Variants in TTC6 observed in about 807,000 individuals in gnomAD.
The protein encoded by TTC6 is tetratricopeptide repeat protein 6.
Under a neutral mutation model 210.4 loss-of-function variants are expected in TTC6, and 172 were observed. The observed-to-expected ratio is 0.82, with a 90% CI of 0.72 to 0.93. TTC6 has a LOEUF of 0.93. Among genes scored for constraint, TTC6 ranks in the 40% least tolerant of loss-of-function variants. TTC6 has a pLI of 0.00. For missense variants in TTC6, 2,414 were observed against 2,318.1 expected, an observed-to-expected ratio of 1.04 and a Z score of -0.85; for synonymous variants, 804 against 819.6, an observed-to-expected ratio of 0.98 and a Z score of 0.32.
chr14:37,798,010 A>G (rs549939013), intron 20 of TTC6, among the ~76,000 whole-genome samples: 9 of 152,064 alleles, frequency 5.9e-5, no homozygotes, highest in African/African-American at 1.7e-4. Flanking sequence ...CCTTTGGTCA[A>G]TTTTTCTATT....
At chr14:37,637,658 A>G (rs77690717) in intron 1 of TTC6, among the ~76,000 whole-genome samples, 41 of 152,298 alleles carry the variant, frequency 2.7e-4, no homozygotes, top group African/African-American at 9.6e-4. Flanking sequence ...AGAAAAAAAT[A>G]GGCAAAAGAC....
rs140268948 is a variant in TTC6 at position 37,610,687 on chromosome 14, A to G, written c.-155+3945A>G. 2.4e-3 allele frequency among the ~76,000 whole-genome samples: 361 copies of G among 152,116 alleles called. 2 individuals carry two copies. Among genetic ancestry groups the G allele is most frequent in the African/African-American group, 8.1e-3 (336 of 41,496 alleles). ...CCGACTGCCGTAGTACTGCCTGCCC[A>G]CTCACCATCACCGTCCCACTCCCAA... On this transcript the variant is annotated intron_variant, in intron 2 of 2. Coordinates refer to the TTC6 transcript ENST00000556845.
At chr14:37,813,273 G>C (rs1291744755) in intron 25 of TTC6, among the ~76,000 whole-genome samples, 4 of 152,044 alleles carry the variant, frequency 2.6e-5, no homozygotes, top group Non-Finnish European at 5.9e-5. Context: ...TAATCCCAAT[G>C]TTTGAATACC....
intron 26 of TTC6, among the ~76,000 whole-genome samples, chr14:37,820,100 C>T (rs1250315207): frequency 1.3e-5 from 2 of 152,192 alleles, no homozygotes; most frequent in African/African-American, 4.8e-5. Flanking sequence ...CATGCAGTTA[C>T]TTAACAAGGA....
chr14:37,724,150 T>C (rs1320124792), intron 6 of TTC6, among the ~76,000 whole-genome samples: 1 of 152,042 alleles, frequency 6.6e-6, no homozygotes, highest in African/African-American at 2.4e-5. Flanking sequence ...TGTTTCATGT[T>C]TTTTAAAATA....
intron 1 of TTC6, among the ~76,000 whole-genome samples, chr14:37,635,460 A>C (rs547600401): frequency 3.9e-5 from 6 of 152,372 alleles, no homozygotes; most frequent in Non-Finnish European, 8.8e-5. Context: ...CTAAGATATC[A>C]GTAACTGTAA....
At chr14:37,761,526 G>C (rs2095984474) in intron 14 of TTC6, among the ~76,000 whole-genome samples, 1 of 152,016 alleles carries the variant, frequency 6.6e-6, no homozygotes, top group Admixed American at 6.6e-5. Flanking sequence ...GAAATGTACA[G>C]CATAATGACT....
At chr14:37,739,206 A>G in intron 10 of TTC6, 51 bp downstream of exon 12, 1 of 1,418,488 alleles carries the variant, frequency 7.0e-7, no homozygotes, top group Non-Finnish European at 9.2e-7. Flanking sequence ...TGTGGTTTTG[A>G]CCTTAATTTT....
chr14:37,827,258 A>G, exon 29 of TTC6: 3 of 1,613,268 alleles, frequency 1.9e-6, no homozygotes, highest in Non-Finnish European at 2.5e-6. Context: ...TGGGCCACAA[A>G]CAGAATGCAA....
exon 11 of TTC6, chr14:37,749,001 A>T: frequency 6.5e-7 from 1 of 1,534,580 alleles, no homozygotes; most frequent in Middle Eastern, 1.7e-4. Flanking sequence ...CCATTATATG[A>T]ACGTCAAATA....
chr14:37,758,641 T>C lies in TTC6; in HGVS notation c.3266+5406T>C, dbSNP rs576955059. ...CGATGGGTCTTGACTCTTTATCCAA[T>C]TTGCATGTCTGTATCTTTTAATTTG... On this transcript the variant is annotated intron_variant, in intron 14 of 30. Transcript: ENST00000553443. Among the ~76,000 whole-genome samples the C allele has an allele frequency of 1.1e-4, 16 of 152,302 alleles. No individual in the cohort carries two copies. In the East Asian group the frequency reaches 2.9e-3, roughly 28 times the overall value.
In TTC6 at chr14:37,774,173, G is replaced by A. The variant is rs1595240773; in HGVS notation, c.3267-13295G>A. ...ATGAAATTTTGGGCAGAAACTATGG[G>A]GGTTTTCTAGGTATATAATCATATC... On this transcript the variant is annotated intron_variant, in intron 14 of 30. Coordinates refer to ENST00000553443, the Ensembl canonical transcript of TTC6. Among the ~76,000 whole-genome samples the A allele has an allele frequency of 2.6e-5, 4 of 152,192 alleles. 1 individual carries two copies. In the South Asian group the frequency reaches 8.3e-4, roughly 32 times the overall value.
At chr14:37,678,270 T>C (rs1595094166) in intron 1 of TTC6, among the ~76,000 whole-genome samples, 1 of 152,286 alleles carries the variant, frequency 6.6e-6, no homozygotes, top group East Asian at 1.9e-4. Context: ...TAACAGATGA[T>C]CCTTCTGGCC....
intron 29 of TTC6, among the ~76,000 whole-genome samples, chr14:37,830,411 T>C (rs1400703099): frequency 1.3e-5 from 2 of 152,034 alleles, no homozygotes; most frequent in South Asian, 2.1e-4. Flanking sequence ...AACATTTTTT[T>C]TTCTGTTTCA....
At chr14:37,728,584 T>G (rs1202920093) in intron 7 of TTC6, among the ~76,000 whole-genome samples, 1 of 152,230 alleles carries the variant, frequency 6.6e-6, no homozygotes, top group East Asian at 1.9e-4. Flanking sequence ...TAGCCCTGTG[T>G]TCTTTTCTCT....
chr14:37,736,128 G>C (rs2095900968), intron 8 of TTC6, 118 bp downstream of exon 10: 1 of 601,322 alleles, frequency 1.7e-6, no homozygotes, highest in African/African-American at 1.9e-5. Flanking sequence ...GCTCATGTCT[G>C]TAATCCCGGC....
intron 17 of TTC6, among the ~76,000 whole-genome samples, chr14:37,793,167 A>G (rs2096084447): frequency 6.6e-6 from 1 of 152,162 alleles, no homozygotes; most frequent in South Asian, 2.1e-4. Flanking sequence ...AACATGTCAG[A>G]TTATTTCACT....
intron 6 of TTC6, among the ~76,000 whole-genome samples, chr14:37,716,115 G>GTAAAA (rs1226230466): frequency 6.6e-6 from 1 of 151,988 alleles, no homozygotes; most frequent in African/African-American, 2.4e-5. Context: ...ACTTGAACTA[G>GTAAAA]TAAAATAATA....
intron 13 of TTC6, among the ~76,000 whole-genome samples, chr14:37,751,776 G>A (rs2095952737): frequency 6.6e-6 from 1 of 151,532 alleles, no homozygotes; most frequent in African/African-American, 2.4e-5. Context: ...AAGGATGGTG[G>A]GAGAGTAACT....
Sources: allele counts gnomAD v4.1 joint callset (sites outside exome capture counted in the v4.1 genomes callset), GRCh38; gene constraint gnomAD v4.1.1; transcripts MANE v1.5; gene names NCBI Gene and HGNC (gene_info 2026-07-23, HGNC 2026-07-21).